Variants in KSR1 observed in about 807,000 individuals in gnomAD.
The protein encoded by KSR1 is kinase suppressor of ras 1.
A neutral mutation model predicts 92.9 loss-of-function variants in KSR1; 35 were observed. That is an observed-to-expected ratio of 0.38 (90% CI 0.29 to 0.50). The LOEUF is 0.50. Among genes scored for constraint, KSR1 ranks in the 20% least tolerant of loss-of-function variants. The pLI is 0.94. For synonymous variants in KSR1, 467 were observed against 472.6 expected (o/e 0.99, Z 0.15); for missense variants, 972 against 1,158.5 (o/e 0.84, Z 2.34).
intron 15 of KSR1, 132 bp from the exon 16 acceptor site, chr17:27,609,064 T>C: frequency 9.1e-7 from 1 of 1,096,994 alleles, no homozygotes; most frequent in Non-Finnish European, 1.3e-6. Flanking sequence ...CGATTTCTTC[T>C]TCTGTAAAAT....
chr17:27,611,381 A>T, intron 17 of KSR1, 113 bp from the exon 18 acceptor site: 1 of 1,392,308 alleles, frequency 7.2e-7, no homozygotes, highest in Non-Finnish European at 9.8e-7. Context: ...CAAGTGGGTG[A>T]GGAAGGCTGG....
chr17:27,487,728 C>A (rs2068710525), intron 1 of KSR1, among the ~76,000 whole-genome samples: 1 of 152,030 alleles, frequency 6.6e-6, no homozygotes, highest in Non-Finnish European at 1.5e-5. Context: ...AGTGGAGCAT[C>A]TGCTTCACTT....
intron 2 of KSR1, among the ~76,000 whole-genome samples, chr17:27,563,981 C>CTTTTTTTTTTTTGTTT: frequency 2.1e-5 from 1 of 46,874 alleles, no homozygotes; most frequent in Non-Finnish European, 3.6e-5. Flanking sequence ...TATTCGGTAG[C>CTTTTTTTTTTTTGTTT]TTTTTTTTTT....
chr17:27,577,980 C>T lies in KSR1; in HGVS notation c.520+341C>T. 2.4e-6 allele frequency: 1 copy of T among 416,390 alleles called. No homozygotes were observed. Among genetic ancestry groups the T allele is most frequent in the Non-Finnish European group, 4.5e-6 (1 of 220,748 alleles). 25.8% of individuals were successfully genotyped at this position (416,390 alleles called of 1,614,324 possible). A position where few individuals can be genotyped will look rare whatever the true frequency, so the allele number is the denominator to read the frequency against. ...CCCACATTCCAGCCCCCAGCCCTCT[C>T]CCCGTCTTCTCCTGTCCCCATTGCT... On this transcript the variant is annotated intron_variant, in intron 3 of 20. Transcript: ENST00000644974. This position sits in a 1 kb window ranked among gnomAD's most constrained non-coding sequence, Gnocchi z 4.5.
At chr17:27,486,756 G>A (rs144995069) in intron 1 of KSR1, among the ~76,000 whole-genome samples, 43 of 152,316 alleles carry the variant, frequency 2.8e-4, no homozygotes, top group African/African-American at 9.1e-4. Context: ...AGCAAGGCGG[G>A]TGGTTTGGGG....
At chr17:27,598,292 C>T (rs935688795) in intron 10 of KSR1, among the ~76,000 whole-genome samples, 6 of 152,160 alleles carry the variant, frequency 3.9e-5, no homozygotes, top group African/African-American at 1.2e-4. Context: ...AGCCACAGGC[C>T]GTCTCCAGCC....
Position 27,623,611 on chromosome 17 carries a change from C to T in KSR1, c.*219C>T. On this transcript the variant is annotated 3_prime_UTR_variant, in exon 21 of 21. Coordinates refer to ENST00000644974, the MANE Select transcript of KSR1 (RefSeq NM_001394583.1). ...CCACCAACAACCAAACCTGTCATGA[C>T]AGACAGCAAATGTTTACACGTATAT... 3 of 623,100 alleles carry T rather than the reference C, an allele frequency of 4.8e-6. No individual in the cohort carries two copies. Among genetic ancestry groups the T allele is most frequent in the Non-Finnish European group, 8.5e-6 (3 of 352,832 alleles). 38.6% of individuals were successfully genotyped at this position (623,100 alleles called of 1,614,324 possible). A position where few individuals can be genotyped will look rare whatever the true frequency, so the allele number is the denominator to read the frequency against.
intron 9 of KSR1, among the ~76,000 whole-genome samples, chr17:27,595,353 C>T (rs1402594152): frequency 6.6e-6 from 1 of 152,256 alleles, no homozygotes; most frequent in Non-Finnish European, 1.5e-5. Flanking sequence ...GAATGTGGAA[C>T]AAACATGTAT....
rs541042274 is a variant in KSR1 at position 27,593,193 on chromosome 17, C to A, written c.1299+567C>A. Among the ~76,000 whole-genome samples, 418 of 152,370 alleles carry A rather than the reference C, an allele frequency of 2.7e-3. 2 individuals are homozygous for A. Among genetic ancestry groups the A allele is most frequent in the African/African-American group, 9.8e-3 (408 of 41,582 alleles). On this transcript the variant is annotated intron_variant, in intron 9 of 20. Transcript: ENST00000644974. ...GCCAGGTCAGGCTTCTCTGCTGAGG[C>A]AGACGGGTGTCCTCTGCAGCTAGAC...
At chr17:27,537,444 C>A (rs967803677) in intron 1 of KSR1, among the ~76,000 whole-genome samples, 1 of 152,164 alleles carries the variant, frequency 6.6e-6, no homozygotes, top group Non-Finnish European at 1.5e-5. Context: ...GTAATCCCAG[C>A]ACTTTGGGAG....
At chr17:27,599,079 G>A (rs895651907) in intron 10 of KSR1, among the ~76,000 whole-genome samples, 2 of 152,244 alleles carry the variant, frequency 1.3e-5, no homozygotes, top group South Asian at 2.1e-4. Flanking sequence ...GCGCACTTAC[G>A]TAAACCCAGA....
intron 1 of KSR1, chr17:27,526,702 C>G: frequency 6.7e-7 from 1 of 1,498,572 alleles, no homozygotes; most frequent in Non-Finnish European, 9.3e-7. Flanking sequence ...CAGCTGAACA[C>G]GAGGGTTCAG....
chr17:27,620,476 G>A (rs2074193742), intron 19 of KSR1, among the ~76,000 whole-genome samples: 1 of 152,190 alleles, frequency 6.6e-6, no homozygotes, highest in Admixed American at 6.5e-5. Context: ...GAACATTATA[G>A]TTGGGCACTA....
Position 27,605,610 on chromosome 17 carries a change from C to T in KSR1, c.1791C>T (p.Ile597=), listed in dbSNP as rs778099345. Residue 597 remains isoleucine, a synonymous_variant, in exon 14 of 21, where the codon ATC becomes ATT. Transcript: ENST00000644974. ...PFEQVELGEP[I]GQGRWGRVHR... ...AGCAGGTAGAGCTGGGCGAGCCCAT[C>T]GGGCAGGGCCGCTGGGGCCGGGTGC... 60 of 1,604,758 alleles carry T rather than the reference C, an allele frequency of 3.7e-5. No individual in the cohort carries two copies. Among genetic ancestry groups the T allele is most frequent in the African/African-American group, 6.7e-5 (5 of 74,810 alleles).
chr17:27,556,761 G>T (rs1217232218), intron 2 of KSR1, among the ~76,000 whole-genome samples: 2 of 152,168 alleles, frequency 1.3e-5, no homozygotes, highest in African/African-American at 4.8e-5. Context: ...GTGGTGCAGG[G>T]CCCAGATTCC....
At chr17:27,562,412 G>A (rs2071869994) in intron 2 of KSR1, among the ~76,000 whole-genome samples, 1 of 152,280 alleles carries the variant, frequency 6.6e-6, no homozygotes, top group South Asian at 2.1e-4. Flanking sequence ...TGGGGAGGGT[G>A]AAGACGAGGT....
intron 1 of KSR1, among the ~76,000 whole-genome samples, chr17:27,458,335 C>T (rs1290188604): frequency 6.6e-6 from 1 of 152,116 alleles, no homozygotes; most frequent in Non-Finnish European, 1.5e-5. Flanking sequence ...GGCTCAGTTC[C>T]GGGAGGAGGG....
intron 1 of KSR1, among the ~76,000 whole-genome samples, chr17:27,458,562 C>T (rs1213146065): frequency 3.3e-5 from 5 of 152,124 alleles, no homozygotes; most frequent in Admixed American, 1.3e-4. Flanking sequence ...GGCAGTGTGG[C>T]GTTCATGACA....
At chr17:27,608,362 A>AT (rs2073821267) in intron 15 of KSR1, among the ~76,000 whole-genome samples, 1 of 152,090 alleles carries the variant, frequency 6.6e-6, no homozygotes, top group Non-Finnish European at 1.5e-5. Flanking sequence ...GGGGATCTTC[A>AT]TATATCCTCC....
Sources: gnomAD v4.1 joint callset for allele counts (sites outside exome capture counted in the v4.1 genomes callset) on GRCh38, gnomAD v4.1.1 for gene constraint, Gnocchi (gnomAD v3.1) non-coding constraint, MANE v1.5 for transcripts, NCBI Gene and HGNC (gene_info 2026-07-23, HGNC 2026-07-21) for gene names.